SPATA31C1: variants seen among roughly 807,000 people sequenced by gnomAD.
SPATA31C1 encodes the protein spermatogenesis-associated protein 31C1.
chr9:87,921,691 A>G, exon 5 of SPATA31C1: 1 of 1,612,062 alleles, frequency 6.2e-7, no homozygotes, highest in Non-Finnish European at 8.5e-7. Context: ...CAGACCAACG[A>G]GGGCTTGATC....
chr9:87,916,307 A>T (rs1264043112), intron 1 of SPATA31C1, among the ~76,000 whole-genome samples: 14 of 146,288 alleles, frequency 9.6e-5, no homozygotes, highest in African/African-American at 3.2e-4. Flanking sequence ...TTTAATGAGA[A>T]ATTCTTCAGG....
chr9:87,920,817 A>C, exon 5 of SPATA31C1: 4 of 1,613,334 alleles, frequency 2.5e-6, no homozygotes, highest in Non-Finnish European at 2.5e-6. Flanking sequence ...AACCTGGTGC[A>C]TCTTCAACTC....
At chr9:87,919,259 A>G (rs1828783673) in intron 2 of SPATA31C1, 1 of 1,598,878 alleles carries the variant, frequency 6.3e-7, no homozygotes, top group Non-Finnish European at 8.5e-7. Context: ...TCCCAGCGTC[A>G]TCTTGTCTCC....
chr9:87,921,106 C>G, exon 5 of SPATA31C1: 1 of 1,611,680 alleles, frequency 6.2e-7, no homozygotes, highest in Non-Finnish European at 8.5e-7. Flanking sequence ...TTACCTGAAA[C>G]TCAGCACCCT....
exon 5 of SPATA31C1, chr9:87,922,074 A>G (rs756691561): frequency 5.0e-6 from 8 of 1,613,994 alleles, no homozygotes; most frequent in Non-Finnish European, 5.9e-6. Flanking sequence ...AAGTCTGAGA[A>G]AGCAAGTGCT....
chr9:87,916,996 C>CAA (rs369649173), intron 1 of SPATA31C1, among the ~76,000 whole-genome samples: 7 of 91,796 alleles, frequency 7.6e-5, no homozygotes, highest in Non-Finnish European at 1.3e-4. Flanking sequence ...GACTCCATCT[C>CAA]AAAAAGAAAG....
chr9:87,916,929 A>G (rs1277908226), intron 1 of SPATA31C1, among the ~76,000 whole-genome samples: 10 of 58,210 alleles, frequency 1.7e-4, no homozygotes, highest in African/African-American at 8.4e-4. Context: ...CCCAGGACGC[A>G]CAGGTTGCAG....
At chr9:87,923,189 A>C in exon 5 of SPATA31C1, 4 of 1,603,362 alleles carry the variant, frequency 2.5e-6, no homozygotes, top group Non-Finnish European at 3.4e-6. Flanking sequence ...TTCAAGCCCC[A>C]GTCTGTGGGT....
At chr9:87,921,003 T>C (rs1828845933) in exon 5 of SPATA31C1, 2 of 1,612,408 alleles carry the variant, frequency 1.2e-6, no homozygotes, top group Admixed American at 3.3e-5. Flanking sequence ...TCTTCAATCC[T>C]CTTTCCCAGT....
rs766916650 is a variant in SPATA31C1 at position 87,923,157 on chromosome 9, G to T, written n.3547G>T. ...TTGCCATGCGCGCCATGCCTCGAAG[G>T]TAAATCAGCAAAGACAGCAGTTTCA... On this transcript the variant is annotated non_coding_transcript_exon_variant, in exon 5 of 5. Transcript: ENST00000420021. 1.9e-6 allele frequency: 3 copies of T among 1,603,168 alleles called. No homozygotes were observed. The African/African-American group carries it at 4.0e-5, about 22-fold the overall frequency.
chr9:87,922,888 C>T lies in SPATA31C1; in HGVS notation n.3278C>T, dbSNP rs372224653. 6.6e-4 allele frequency: 1,055 copies of T among 1,605,534 alleles called. 6 individuals carry two copies. Among genetic ancestry groups the T allele is most frequent in the Non-Finnish European group, 5.6e-4 (660 of 1,176,156 alleles). ...ACCCCAGGCAGAAAAACAGAAGACA[C>T]CCGTCAGAATGAAGGCGTCCAGCTA... is the stretch of plus-strand genomic sequence containing the variant. On this transcript the variant is annotated non_coding_transcript_exon_variant, in exon 5 of 5. Coordinates refer to ENST00000420021, the Ensembl canonical transcript of SPATA31C1.
chr9:87,921,402 A>G (rs1828862037), exon 5 of SPATA31C1: 1 of 1,611,744 alleles, frequency 6.2e-7, no homozygotes, highest in African/African-American at 1.3e-5. Context: ...GCAGTCCTCC[A>G]CGTCCACAGG....
chr9:87,923,056 G>A (rs756924363), exon 5 of SPATA31C1: 9 of 1,600,234 alleles, frequency 5.6e-6, no homozygotes, highest in African/African-American at 2.7e-5. Flanking sequence ...AACAGATCAT[G>A]CGTGTACGGC....
rs566689888 is a variant in SPATA31C1, at chr9:87,922,685, C to T, written n.3075C>T. The T allele has an allele frequency of 2.5e-5, 40 of 1,607,802 alleles. 1 individual carries two copies. In the Admixed American group the frequency reaches 3.2e-4, roughly 13 times the overall value. ...TGCAGGCTTCCCAGGAGCTATGTGA[C>T]CTCATGTCAGCCAGAAGGAGTAACA... On this transcript the variant is annotated non_coding_transcript_exon_variant, in exon 5 of 5. Coordinates refer to ENST00000420021, the Ensembl canonical transcript of SPATA31C1.
exon 5 of SPATA31C1, chr9:87,922,513 T>C (rs746617600): frequency 1.9e-6 from 3 of 1,605,906 alleles, no homozygotes; most frequent in Non-Finnish European, 2.5e-6. Context: ...GAGCCTGGAA[T>C]GGCCACGAAG....
chr9:87,922,047 G>A, exon 5 of SPATA31C1: 1 of 1,613,952 alleles, frequency 6.2e-7, no homozygotes, highest in South Asian at 1.1e-5. Context: ...CACGCTCCTT[G>A]GAGAGCCACC....
At position 87,919,095 on chromosome 9, in the gene SPATA31C1, G is replaced by C. The variant is rs567392589; in HGVS notation, n.523-196G>C. 7 of 1,177,392 alleles carry C rather than the reference G, an allele frequency of 5.9e-6. No individual in the cohort carries two copies. The East Asian group carries it at 2.2e-4, about 38-fold the overall frequency. 72.9% of individuals were successfully genotyped at this position (1,177,392 alleles called of 1,614,324 possible). ...CCCTCTTCCTGTTTTTCTAAGAAAA[G>C]CAGTTTATCATCCATTTAAACATGA... On this transcript the variant is annotated intron_variant and non_coding_transcript_variant, in intron 2 of 4. Coordinates refer to ENST00000420021, the Ensembl canonical transcript of SPATA31C1.
chr9:87,918,924 C>A, intron 2 of SPATA31C1: 1 of 357,712 alleles, frequency 2.8e-6, no homozygotes, highest in Non-Finnish European at 5.5e-6. Context: ...AGGCGCCCGC[C>A]ACCACGCCTG....
At chr9:87,916,185 A>G (rs2117970430) in intron 1 of SPATA31C1, among the ~76,000 whole-genome samples, 1 of 141,652 alleles carries the variant, frequency 7.1e-6, no homozygotes, top group African/African-American at 2.6e-5. Flanking sequence ...TGGGGATGGT[A>G]GACAATAAGA....
Sources: gnomAD v4.1 joint callset for allele counts (sites outside exome capture counted in the v4.1 genomes callset) on GRCh38, gnomAD v4.1.1 for gene constraint, MANE v1.5 for transcripts, NCBI Gene and HGNC (gene_info 2026-07-23, HGNC 2026-07-21) for gene names.